Variants in DPP3 observed in about 807,000 individuals in gnomAD.
DPP3 encodes DPP III.
Under a neutral mutation model 89.8 loss-of-function variants are expected in DPP3, and 64 were observed. The ratio of observed to expected loss-of-function variants is 0.71; its 90% CI spans 0.58 to 0.88. DPP3 has a LOEUF of 0.88. Among genes scored for constraint, DPP3 ranks in the 40% least tolerant of loss-of-function variants. The probability of loss-of-function intolerance (pLI) is 0.00; values close to 1 mark genes in which losing one functional copy is unlikely to be tolerated. For synonymous variants in DPP3, 377 were observed against 404.3 expected, an observed-to-expected ratio of 0.93 and a Z score of 0.81; for missense variants, 835 against 972.5, an observed-to-expected ratio of 0.86 and a Z score of 1.88.
chr11:66,496,000 G>C (rs938325366), intron 15 of DPP3, among the ~76,000 whole-genome samples: 14 of 152,134 alleles, frequency 9.2e-5, no homozygotes, highest in African/African-American at 3.4e-4. Flanking sequence ...AGGACTCCTC[G>C]CAGTTGACGC....
Position 66,491,695 on chromosome 11 carries a change from C to G in DPP3, c.930-3C>G. On this transcript the variant is annotated splice_region_variant and splice_polypyrimidine_tract_variant and intron_variant, in intron 8 of 17. Transcript: ENST00000531863. ...CCTCCACCTCTGCCCTTCTCTCCCC[C>G]AGTTACATCGGGTTCATCGAGAGCT... 6.2e-7 allele frequency: 1 copy of G among 1,613,716 alleles called. No homozygotes were observed. Among genetic ancestry groups the G allele is most frequent in the Non-Finnish European group, 8.5e-7 (1 of 1,179,820 alleles).
chr11:66,487,181 G>C (rs1855254036), intron 4 of DPP3, 87 bp from the exon 5 acceptor site: 1 of 1,312,716 alleles, frequency 7.6e-7, no homozygotes, highest in South Asian at 1.2e-5. Context: ...TGAAAGGAGG[G>C]AGGGGCGGGA....
Position 66,509,151 on chromosome 11 carries a change from C to T in DPP3, c.2114C>T (p.Pro705Leu), listed in dbSNP as rs761809307. Reference sequence around the variant, plus strand: ...ATCCGATCCTTCTCTGAGCGTTTCCCAGAGGATGGACCCGAGTTGGAGGAG... The same window carrying T: ...ATCCGATCCTTCTCTGAGCGTTTCCTAGAGGATGGACCCGAGTTGGAGGAG... ...GLIRSFSERF[P>L]EDGPELEEIL... Residue 705 changes from proline (P) to leucine (L), a missense_variant, in exon 18 of 18, where the codon CCA (proline) becomes CTA (leucine). Coordinates refer to ENST00000531863, the MANE Select transcript of DPP3 (RefSeq NM_130443.4). 2 of 1,614,068 alleles carry T rather than the reference C, an allele frequency of 1.2e-6. No homozygotes were observed. The highest frequency in any genetic ancestry group is 1.7e-5 in the Admixed American group (1 of 59,982).
rs570601396 is a variant in DPP3 at position 66,503,942 on chromosome 11, G to T, written c.1879-670G>T. Among the ~76,000 whole-genome samples the T allele has an allele frequency of 1.0e-3, 158 of 152,080 alleles. 5 individuals carry two copies. Among genetic ancestry groups the T allele is most frequent in the Non-Finnish European group, 7.1e-4 (48 of 67,982 alleles). On this transcript the variant is annotated intron_variant, in intron 16 of 17. Coordinates refer to ENST00000531863, the MANE Select transcript of DPP3 (RefSeq NM_130443.4). Reference sequence around the variant, plus strand: ...CAGTTCTGGAGGTGGGGGAGTCCAAGATCAAGGTACCAGCTGGTTCATTTT... The same window carrying T: ...CAGTTCTGGAGGTGGGGGAGTCCAATATCAAGGTACCAGCTGGTTCATTTT...
intron 1 of DPP3, chr11:66,481,045 C>A (rs1334968136): frequency 6.6e-6 from 1 of 152,298 alleles, no homozygotes. Context: ...GGGTTATTCT[C>A]TCTTTTATAG....
At chr11:66,483,281 C>G (rs1359111061) in intron 2 of DPP3, 3 of 152,212 alleles carry the variant, frequency 2.0e-5, no homozygotes, top group African/African-American at 7.2e-5. Flanking sequence ...CTTGCCTTAG[C>G]CTCCCAAAGT....
chr11:66,481,540 T>A (rs1855080904), intron 1 of DPP3, among the ~76,000 whole-genome samples: 1 of 152,150 alleles, frequency 6.6e-6, no homozygotes, highest in African/African-American at 2.4e-5. Context: ...GCTGGGAGCC[T>A]AGAGATGAGG....
chr11:66,493,069 G>C lies in DPP3; in HGVS notation c.1186G>C (p.Asp396His), dbSNP rs201025164. The C allele has an allele frequency of 6.2e-7, 1 of 1,614,090 alleles. No homozygotes were observed. The highest frequency in any genetic ancestry group is 8.5e-7 in the Non-Finnish European group (1 of 1,180,024). The change falls in exon 11 of 18, where the codon GAT (aspartate) becomes CAT (histidine). Residue 396 changes from aspartate (D) to histidine (H), a missense_variant and splice_region_variant. By Grantham distance (81) the Asp-to-His change is moderately conservative (BLOSUM62 -1). Coordinates refer to ENST00000531863, the MANE Select transcript of DPP3 (RefSeq NM_130443.4). The stretch of plus-strand genomic sequence containing the variant: ...TGGTCCTTCTCCACCTTCTCCAGAC[G>C]ATGATCTGAGGCAGACGGAAGGCTT... ...IPAGINIPNYDDLRQTEGFKN... is the reference protein window; with the variant it reads ...IPAGINIPNYHDLRQTEGFKN...
At chr11:66,491,049 G>A (rs1271745461) in intron 6 of DPP3, among the ~76,000 whole-genome samples, 1 of 152,138 alleles carries the variant, frequency 6.6e-6, no homozygotes, top group African/African-American at 2.4e-5. Context: ...GATTACAGGC[G>A]TAAGCCACCA....
chr11:66,497,528 C>A lies in DPP3; in HGVS notation c.1878+51C>A, dbSNP rs1301273764. 1.9e-6 allele frequency: 3 copies of A among 1,569,392 alleles called. No individual in the cohort carries two copies. The African/African-American group carries it at 4.1e-5, about 21-fold the overall frequency. On this transcript the variant is annotated intron_variant, in intron 16 of 17. Coordinates refer to ENST00000531863, the MANE Select transcript of DPP3 (RefSeq NM_130443.4). Reference sequence around the variant, plus strand: ...GGGTCCCCACCAACCTCTCCAGGGGCACTGAGTGTTACCAGGCACGGAGAA... The same window carrying A: ...GGGTCCCCACCAACCTCTCCAGGGGAACTGAGTGTTACCAGGCACGGAGAA...
intron 2 of DPP3, 77 bp downstream of exon 2, chr11:66,482,547 T>A: frequency 6.4e-7 from 1 of 1,558,438 alleles, no homozygotes; most frequent in Non-Finnish European, 8.7e-7. Context: ...TGTCTGTCTC[T>A]TTCAAGGGGT....
intron 1 of DPP3, 74 bp from the exon 2 acceptor site, chr11:66,482,119 T>C (rs1855099599): frequency 6.4e-7 from 1 of 1,562,036 alleles, no homozygotes; most frequent in African/African-American, 1.3e-5. Flanking sequence ...TTAAATGAGA[T>C]CATAAGAGTT....
Position 66,509,412 on chromosome 11 carries a change from A to G in DPP3, c.*161A>G, listed in dbSNP as rs1450872957. The G allele has an allele frequency of 2.0e-6, 3 of 1,536,392 alleles. No individual in the cohort carries two copies. Among genetic ancestry groups the G allele is most frequent in the Non-Finnish European group, 2.6e-6 (3 of 1,146,784 alleles). On this transcript the variant is annotated 3_prime_UTR_variant, in exon 18 of 18. Coordinates refer to ENST00000531863, the MANE Select transcript of DPP3 (RefSeq NM_130443.4). ...GACACAACCCCTTCCATTTGTCAGC[A>G]CTTTCCAGCCTGCCAATTGCTTCCC...
At position 66,495,263 on chromosome 11, in the gene DPP3, G is replaced by A. The variant is rs1389791818; in HGVS notation, c.1447G>A (p.Glu483Lys). The A allele has an allele frequency of 1.2e-6, 2 of 1,613,286 alleles. No individual in the cohort carries two copies. The highest frequency in any genetic ancestry group is 3.3e-5 in the Admixed American group (2 of 60,022). ...QETVINPETGEQIQSWYRSGE... is the reference protein window; with the variant it reads ...QETVINPETGKQIQSWYRSGE... ...AACAGTGATCAACCCAGAGACGGGC[G>A]AGCAGGTGAGGGAGGCCTCAGCAGA... Residue 483 changes from glutamate to lysine, a missense_variant, in exon 13 of 18, where the codon GAG becomes AAG. By Grantham distance (56) the Glu-to-Lys change is moderately conservative (BLOSUM62 1). Coordinates refer to ENST00000531863, the MANE Select transcript of DPP3 (RefSeq NM_130443.4).
chr11:66,508,969 G>A (rs1372950275), intron 17 of DPP3, 110 bp from the exon 18 acceptor site: 1 of 1,402,942 alleles, frequency 7.1e-7, no homozygotes, highest in Non-Finnish European at 9.7e-7. Flanking sequence ...TTTTGGCAGA[G>A]CTCAGTAAGA....
intron 3 of DPP3, 129 bp downstream of exon 3, chr11:66,485,391 C>T: frequency 3.4e-6 from 3 of 869,712 alleles, no homozygotes; most frequent in Admixed American, 2.2e-5. Context: ...GTCGCTTCCA[C>T]CCTGCATGAC....
chr11:66,502,509 G>A (rs1211943752), intron 16 of DPP3, among the ~76,000 whole-genome samples: 8 of 148,688 alleles, frequency 5.4e-5, no homozygotes, highest in African/African-American at 1.5e-4. Context: ...TCACTCTGTC[G>A]CCCAGGCTGG....
At chr11:66,497,571 C>CT in intron 16 of DPP3, 94 bp downstream of exon 16, 1 of 1,471,444 alleles carries the variant, frequency 6.8e-7, no homozygotes, top group Non-Finnish European at 9.0e-7. Flanking sequence ...TGAGCAGTTT[C>CT]TTATGCTGCA....
rs577566929 is a variant in DPP3, at chr11:66,490,033, G to C, written c.668-1220G>C. 5.9e-5 allele frequency among the ~76,000 whole-genome samples: 9 copies of C among 151,908 alleles called. No individual in the cohort carries two copies. In the South Asian group the frequency reaches 1.2e-3, roughly 21 times the overall value. On this transcript the variant is annotated intron_variant, in intron 6 of 17. Coordinates refer to ENST00000531863, the MANE Select transcript of DPP3 (RefSeq NM_130443.4). ...TCTCCATGGGCAAAGTCACAGTTGA[G>C]CTGGATATGATGGCTCACACCTGTA...
Sources: allele counts gnomAD v4.1 joint callset (sites outside exome capture counted in the v4.1 genomes callset), GRCh38; gene constraint gnomAD v4.1.1; transcripts MANE v1.5; gene names NCBI Gene and HGNC (gene_info 2026-07-23, HGNC 2026-07-21).